The following PDE4D variants were observed in gnomAD, a reference collection of about 807,000 sequenced individuals.
PDE4D encodes the protein 3',5'-cyclic-AMP phosphodiesterase 4D.
A neutral mutation model predicts 87.4 loss-of-function variants in PDE4D; 24 were observed. The observed-to-expected ratio is 0.27, with a 90% CI of 0.20 to 0.39. PDE4D has a LOEUF of 0.39. Among genes scored for constraint, PDE4D ranks in the 10% least tolerant of loss-of-function variants. The probability of loss-of-function intolerance (pLI) is 1.00; values close to 1 mark genes in which losing one functional copy is unlikely to be tolerated. For synonymous variants in PDE4D, 384 were observed against 383.2 expected (o/e 1.00, Z -0.02); for missense variants, 714 against 1,041.0 (o/e 0.69, Z 4.32).
chr5:60,055,064 T>A (rs1281257547), intron 2 of PDE4D, among the ~76,000 whole-genome samples: 1 of 152,114 alleles, frequency 6.6e-6, no homozygotes, highest in East Asian at 1.9e-4. Context: ...ATCAATGGCA[T>A]CAATAAACAC....
At chr5:59,105,386 G>T (rs1435292300) in intron 5 of PDE4D, among the ~76,000 whole-genome samples, 1 of 151,948 alleles carries the variant, frequency 6.6e-6, no homozygotes, top group Non-Finnish European at 1.5e-5. Flanking sequence ...ATGTTTTTAA[G>T]CACAGTGGAA....
At chr5:59,414,910 C>T (rs888663373) in intron 1 of PDE4D, among the ~76,000 whole-genome samples, 1 of 152,078 alleles carries the variant, frequency 6.6e-6, no homozygotes, top group African/African-American at 2.4e-5. Flanking sequence ...TCACAGAGGA[C>T]ATGGATTTAT....
chr5:59,731,746 T>C (rs1406276516), intron 1 of PDE4D, among the ~76,000 whole-genome samples: 1 of 152,168 alleles, frequency 6.6e-6, no homozygotes, highest in East Asian at 1.9e-4. Context: ...AGTTAATGTT[T>C]CCTTCAGTCA....
chr5:59,739,062 A>C (rs1341607691), intron 1 of PDE4D, among the ~76,000 whole-genome samples: 2 of 152,158 alleles, frequency 1.3e-5, no homozygotes, highest in African/African-American at 4.8e-5. Flanking sequence ...GTTGTATATT[A>C]AAAAGCAATG....
chr5:59,403,145 A>AGG (rs373517250), intron 1 of PDE4D, among the ~76,000 whole-genome samples: 15 of 130,420 alleles, frequency 1.2e-4, no homozygotes, highest in African/African-American at 4.2e-4. Context: ...AGGTAGGTAG[A>AGG]CAGACAGACA....
chr5:60,073,076 C>A (rs1772902065), intron 2 of PDE4D, among the ~76,000 whole-genome samples: 1 of 152,080 alleles, frequency 6.6e-6, no homozygotes, highest in Non-Finnish European at 1.5e-5. Flanking sequence ...GAAAGGGCGT[C>A]TTTGTCTTGT....
chr5:58,999,496 T>C (rs760638652), intron 6 of PDE4D: 1 of 1,525,672 alleles, frequency 6.6e-7, no homozygotes, highest in Non-Finnish European at 8.9e-7. Flanking sequence ...TACCTTTATG[T>C]AGCCCCAAGA....
At chr5:60,198,210 G>A (rs1437086181) in intron 1 of PDE4D, among the ~76,000 whole-genome samples, 1 of 151,418 alleles carries the variant, frequency 6.6e-6, no homozygotes, top group Non-Finnish European at 1.5e-5. Flanking sequence ...CAGTGTATAT[G>A]TGGTAGATAA....
At chr5:59,733,141 C>A (rs909976710) in intron 1 of PDE4D, among the ~76,000 whole-genome samples, 2 of 152,056 alleles carry the variant, frequency 1.3e-5, no homozygotes. Context: ...AGGTCAGCTC[C>A]ACATAGTTGA....
intron 2 of PDE4D, among the ~76,000 whole-genome samples, chr5:60,026,142 G>A (rs1187910943): frequency 6.6e-6 from 1 of 152,138 alleles, no homozygotes; most frequent in East Asian, 1.9e-4. Flanking sequence ...ATTTACATGT[G>A]CAAAAATTAC....
chr5:60,316,249 T>A (rs1755580861), intron 1 of PDE4D, among the ~76,000 whole-genome samples: 1 of 152,200 alleles, frequency 6.6e-6, no homozygotes. Flanking sequence ...TTGAAGCAAT[T>A]GTGAATGGGA....
chr5:59,349,569 C>T (rs1040556677), intron 1 of PDE4D, among the ~76,000 whole-genome samples: 2 of 152,112 alleles, frequency 1.3e-5, no homozygotes, highest in African/African-American at 4.8e-5. Context: ...ATAAAATCAA[C>T]ATTATGAAAA....
intron 1 of PDE4D, among the ~76,000 whole-genome samples, chr5:59,769,776 C>T (rs965491069): frequency 2.6e-5 from 4 of 151,212 alleles, no homozygotes; most frequent in African/African-American, 4.9e-5. Context: ...ACATCTCTAA[C>T]GATCTAGGAA....
At chr5:60,472,248 T>C (rs1215166868) in intron 1 of PDE4D, among the ~76,000 whole-genome samples, 1 of 152,184 alleles carries the variant, frequency 6.6e-6, no homozygotes, top group Non-Finnish European at 1.5e-5. Context: ...AGGGAAACGA[T>C]GTTAAAATTC....
chr5:59,974,598 T>A (rs1761115585), intron 3 of PDE4D, among the ~76,000 whole-genome samples: 1 of 152,118 alleles, frequency 6.6e-6, no homozygotes, highest in Non-Finnish European at 1.5e-5. Context: ...AACGTTATGG[T>A]CTTTCCAAAA....
intron 1 of PDE4D, among the ~76,000 whole-genome samples, chr5:60,500,980 T>C (rs1750043001): frequency 6.7e-6 from 1 of 148,640 alleles, no homozygotes. Flanking sequence ...GAGCTACAGG[T>C]TTTCTTTTTT....
chr5:60,173,816 C>T (rs1044415058), intron 2 of PDE4D, among the ~76,000 whole-genome samples: 2 of 152,068 alleles, frequency 1.3e-5, no homozygotes, highest in Middle Eastern at 3.4e-3. Flanking sequence ...ATAAGGTGAT[C>T]CCCAGGGCAT....
At chr5:59,331,727 T>C (rs373791975) in intron 1 of PDE4D, among the ~76,000 whole-genome samples, 2 of 152,188 alleles carry the variant, frequency 1.3e-5, no homozygotes, top group Non-Finnish European at 2.9e-5. Context: ...TGTTGCCCCA[T>C]GTTAAATTTA....
chr5:59,091,539 G>T (rs1768733896), intron 5 of PDE4D, among the ~76,000 whole-genome samples: 1 of 152,004 alleles, frequency 6.6e-6, no homozygotes, highest in African/African-American at 2.4e-5. Flanking sequence ...AAACACAGGA[G>T]TATCTACAAG....
Sources: allele counts gnomAD v4.1 joint callset (sites outside exome capture counted in the v4.1 genomes callset), GRCh38; gene constraint gnomAD v4.1.1; transcripts MANE v1.5; gene names NCBI Gene and HGNC (gene_info 2026-07-23, HGNC 2026-07-21).